TAFA2: variants seen among roughly 807,000 people sequenced by gnomAD.
TAFA2 encodes TAFA chemokine like family member 2, also known as chemokine-like protein TAFA-2.
In TAFA2, 7 loss-of-function variants were observed where a neutral mutation model predicts 18.8. The ratio of observed to expected loss-of-function variants is 0.37; its 90% CI spans 0.21 to 0.70. The LOEUF (loss-of-function observed/expected upper bound fraction) is 0.70, where lower values mean the gene tolerates loss of function less well. TAFA2 is among the 30% of genes least tolerant of loss of function. The pLI, the probability that TAFA2 is intolerant of heterozygous loss-of-function variation, is 0.53. For synonymous variants in TAFA2, 60 were observed against 54.2 expected (o/e 1.11, Z -0.47); for missense variants, 122 against 158.1 (o/e 0.77, Z 1.23).
rs1202685029 is a variant in TAFA2, at chr12:61,877,922, T to TACACACAC, written c.-1-10497_-1-10496insGTGTGTGT. ...TGATTTTTATATATATATATATATA[T>TACACACAC]ATACACACACACACACACATACATA... On this transcript the variant is annotated intron_variant, in intron 1 of 4. Coordinates refer to ENST00000416284, the MANE Select transcript of TAFA2 (RefSeq NM_178539.5). Among the ~76,000 whole-genome samples, 1,132 of 146,158 alleles carry TACACACAC rather than the reference T, an allele frequency of 7.7e-3. 15 individuals carry two copies. Among genetic ancestry groups the TACACACAC allele is most frequent in the African/African-American group, 0.025 (980 of 38,860 alleles).
chr12:61,990,582 A>G lies in TAFA2; in HGVS notation c.-1-123156T>C, dbSNP rs926697777. ...TCTCGATCTCCTGACCTCGTGATCC[A>G]CCCGCCTCGGCCTCCCAAAGTGCTG... On this transcript the variant is annotated intron_variant, in intron 1 of 4. Coordinates refer to ENST00000416284, the MANE Select transcript of TAFA2 (RefSeq NM_178539.5). 1.0e-4 allele frequency among the ~76,000 whole-genome samples: 15 copies of G among 149,282 alleles called. 1 individual carries two copies. The highest frequency in any genetic ancestry group is 2.1e-4 in the Non-Finnish European group (14 of 67,512).
At chr12:61,816,321 A>G (rs555522289) in intron 2 of TAFA2, among the ~76,000 whole-genome samples, 1 of 151,544 alleles carries the variant, frequency 6.6e-6, no homozygotes, top group South Asian at 2.1e-4. Flanking sequence ...AATAGACTCC[A>G]GCTCCATCCA....
intron 1 of TAFA2, among the ~76,000 whole-genome samples, chr12:62,043,255 C>A (rs1029700991): frequency 1.3e-5 from 2 of 152,136 alleles, no homozygotes; most frequent in Non-Finnish European, 2.9e-5. Flanking sequence ...AAATGTGGCA[C>A]ATATACACCA....
rs115395020 is a variant in TAFA2 at position 61,718,335 on chromosome 12, A to G, written c.385-7918T>C. Among the ~76,000 whole-genome samples, 847 of 152,310 alleles carry G rather than the reference A, an allele frequency of 5.6e-3. 10 individuals are homozygous for G. The highest frequency in any genetic ancestry group is 0.015 in the African/African-American group (622 of 41,568). On this transcript the variant is annotated intron_variant, in intron 4 of 4. Transcript: ENST00000416284. Reference sequence around the variant, plus strand: ...AAGCAGATCAGCCGTTTCTCTCTGGATGACATTCAATGCTAGCAAAACAAA... The same window carrying G: ...AAGCAGATCAGCCGTTTCTCTCTGGGTGACATTCAATGCTAGCAAAACAAA...
intron 1 of TAFA2, among the ~76,000 whole-genome samples, chr12:61,955,396 G>T (rs1365074951): frequency 6.6e-6 from 1 of 151,152 alleles, no homozygotes; most frequent in African/African-American, 2.4e-5. Flanking sequence ...GAGGTCAAGA[G>T]ATCGAGACCA....
At chr12:62,181,118 G>C (rs944270403) in intron 1 of TAFA2, among the ~76,000 whole-genome samples, 1 of 152,000 alleles carries the variant, frequency 6.6e-6, no homozygotes, top group Non-Finnish European at 1.5e-5. Context: ...TTGTTAATTC[G>C]GGTGTAGGTC....
intron 1 of TAFA2, among the ~76,000 whole-genome samples, chr12:62,160,139 C>T (rs1565765121): frequency 6.6e-6 from 1 of 152,196 alleles, no homozygotes; most frequent in African/African-American, 2.4e-5. Context: ...ATCTGAAGCT[C>T]TTTTTGTCAA....
At chr12:61,833,428 T>A (rs1376463060) in intron 2 of TAFA2, among the ~76,000 whole-genome samples, 3 of 151,992 alleles carry the variant, frequency 2.0e-5, no homozygotes, top group Non-Finnish European at 4.4e-5. Flanking sequence ...CTTTATGAAT[T>A]TATCTCCATC....
intron 1 of TAFA2, among the ~76,000 whole-genome samples, chr12:61,921,944 C>G (rs763183686): frequency 4.6e-5 from 7 of 152,086 alleles, no homozygotes; most frequent in African/African-American, 1.4e-4. Context: ...GAAAGTTTAT[C>G]AAAAAGAAGT....
intron 1 of TAFA2, among the ~76,000 whole-genome samples, chr12:61,900,425 C>A (rs1253945200): frequency 2.0e-5 from 3 of 152,136 alleles, no homozygotes; most frequent in Non-Finnish European, 4.4e-5. Context: ...CATTATCATG[C>A]TGCTAATAAA....
rs116829021 is a variant in TAFA2 at position 62,142,339 on chromosome 12, T to C, written c.-2+48920A>G. ...TAAGAATTGAATAGGATGAGAATTA[T>C]AAATACTGTAAGAAAACTGACTAGG... On this transcript the variant is annotated intron_variant, in intron 1 of 4. Coordinates refer to ENST00000416284, the MANE Select transcript of TAFA2 (RefSeq NM_178539.5). Among the ~76,000 whole-genome samples, 517 of 152,310 alleles carry C rather than the reference T, an allele frequency of 3.4e-3. 3 individuals are homozygous for C. Among genetic ancestry groups the C allele is most frequent in the African/African-American group, 0.012 (481 of 41,568 alleles).
At chr12:61,752,327 T>C (rs1198022372) in intron 4 of TAFA2, among the ~76,000 whole-genome samples, 1 of 152,052 alleles carries the variant, frequency 6.6e-6, no homozygotes, top group Non-Finnish European at 1.5e-5. Flanking sequence ...GCTCACAATT[T>C]TAAAAATTTG....
chr12:61,771,919 A>C (rs1870044887), intron 2 of TAFA2, among the ~76,000 whole-genome samples: 1 of 151,318 alleles, frequency 6.6e-6, no homozygotes, highest in Admixed American at 6.6e-5. Context: ...CAAAAAAAAA[A>C]ACAGATAAAT....
intron 1 of TAFA2, among the ~76,000 whole-genome samples, chr12:62,110,527 T>G (rs1438316455): frequency 1.3e-5 from 2 of 152,058 alleles, no homozygotes; most frequent in Non-Finnish European, 2.9e-5. Context: ...CTTTTTCTAT[T>G]GTTTGGAATA....
chr12:62,095,358 A>T (rs1868904530), intron 1 of TAFA2, among the ~76,000 whole-genome samples: 1 of 152,156 alleles, frequency 6.6e-6, no homozygotes, highest in Non-Finnish European at 1.5e-5. Context: ...CGTGAGTGTT[A>T]TTCTAATCAT....
At chr12:62,136,395 A>G (rs1870897367) in intron 1 of TAFA2, among the ~76,000 whole-genome samples, 1 of 152,154 alleles carries the variant, frequency 6.6e-6, no homozygotes, top group Admixed American at 6.6e-5. Flanking sequence ...CAACCCTAAT[A>G]ATTTCAGAGG....
Position 62,192,590 on chromosome 12 carries a change from C to T in TAFA2, c.-1333G>A, listed in dbSNP as rs2062631223. 3 of 152,550 alleles carry T rather than the reference C, an allele frequency of 2.0e-5. No individual in the cohort carries two copies. The highest frequency in any genetic ancestry group is 1.3e-4 in the Admixed American group (2 of 15,292). 9.4% of individuals were successfully genotyped at this position (152,550 alleles called of 1,614,324 possible). On this transcript the variant is annotated 5_prime_UTR_variant, in exon 1 of 5. Coordinates refer to ENST00000416284, the MANE Select transcript of TAFA2 (RefSeq NM_178539.5). ...GCTCCACTCTAGAACCCTATTCCAC[C>T]CAGCCTGGCTGTCCAGTGAGTACAG...
chr12:61,992,154 C>T (rs1234026396), intron 1 of TAFA2, among the ~76,000 whole-genome samples: 3 of 152,162 alleles, frequency 2.0e-5, no homozygotes, highest in African/African-American at 4.8e-5. Context: ...CAGATCATTC[C>T]TACCTTCTGA....
At chr12:62,249,554 T>C (rs2062902492) in intron 1 of TAFA2, among the ~76,000 whole-genome samples, 1 of 152,162 alleles carries the variant, frequency 6.6e-6, no homozygotes, top group African/African-American at 2.4e-5. Flanking sequence ...TCTTTGCATA[T>C]GCTAAATGTG....
Sources: allele counts gnomAD v4.1 joint callset (sites outside exome capture counted in the v4.1 genomes callset), GRCh38; gene constraint gnomAD v4.1.1; transcripts MANE v1.5; gene names NCBI Gene and HGNC (gene_info 2026-07-23, HGNC 2026-07-21).